PLAAT1: variants seen among roughly 807,000 people sequenced by gnomAD.
PLAAT1 encodes H-REV107 protein-related protein.
A neutral mutation model predicts 16.4 loss-of-function variants in PLAAT1; 13 were observed. The ratio of observed to expected loss-of-function variants is 0.79; its 90% confidence interval spans 0.52 to 1.26. The LOEUF (loss-of-function observed/expected upper bound fraction) is 1.26, where lower values mean the gene tolerates loss of function less well. Among genes scored for constraint, PLAAT1 ranks in the 50% most tolerant of loss-of-function variants. The pLI, the probability that PLAAT1 is intolerant of heterozygous loss-of-function variation, is 0.00. For missense variants in PLAAT1, 218 were observed against 207.8 expected (o/e 1.05, Z -0.30); for synonymous variants, 73 against 78.4 (o/e 0.93, Z 0.36).
intron 2 of PLAAT1, among the ~76,000 whole-genome samples, chr3:193,258,995 A>C (rs1179842688): frequency 6.6e-6 from 1 of 152,168 alleles, no homozygotes; most frequent in Non-Finnish European, 1.5e-5. Context: ...TAGATGCAAA[A>C]ATCCTCAACA....
At chr3:193,271,076 A>T (rs909191032), downstream of PLAAT1, among the ~76,000 whole-genome samples, 1 of 152,232 alleles carries the variant, frequency 6.6e-6, no homozygotes, top group African/African-American at 2.4e-5. Flanking sequence ...AAATTTTAAG[A>T]ACCCCAGATT....
chr3:193,263,067 A>AT lies in PLAAT1; in HGVS notation c.238dup (p.Tyr80LeufsTer6), dbSNP rs1716646116. On this transcript the variant is annotated frameshift_variant, in exon 3 of 4. Coordinates refer to ENST00000264735, the MANE Select transcript of PLAAT1 (RefSeq NM_020386.5). LOFTEE classifies it high-confidence loss of function. Reference sequence around the variant, plus strand: ...TGAAGGATGTTGTGGGAAATGACACATACAGAATAAACAATAAATACGATG... The same window carrying AT: ...TGAAGGATGTTGTGGGAAATGACACATTACAGAATAAACAATAAATACGATG... 3 of 1,614,178 alleles carry AT rather than the reference A, an allele frequency of 1.9e-6. No homozygotes were observed. The African/African-American group carries it at 4.0e-5, about 22-fold the overall frequency.
intron 1 of PLAAT1, among the ~76,000 whole-genome samples, chr3:193,255,038 C>T (rs1249310940): frequency 6.6e-6 from 1 of 152,078 alleles, no homozygotes; most frequent in Admixed American, 6.5e-5. Flanking sequence ...TTAGTACTCA[C>T]AAAATATTAA....
chr3:193,256,494 A>G (rs943743042), intron 2 of PLAAT1, among the ~76,000 whole-genome samples: 11 of 152,214 alleles, frequency 7.2e-5, no homozygotes, highest in Non-Finnish European at 1.3e-4. Context: ...ATGGATAAAG[A>G]ATTAGGAACA....
intron 3 of PLAAT1, among the ~76,000 whole-genome samples, chr3:193,263,795 A>G (rs559488733): frequency 1.3e-5 from 2 of 152,220 alleles, no homozygotes; most frequent in Admixed American, 1.3e-4. Context: ...AGATTAATTG[A>G]CTTTATTTTT....
At chr3:193,244,463 A>AT (rs1715903101) in intron 1 of PLAAT1, among the ~76,000 whole-genome samples, 2 of 145,380 alleles carry the variant, frequency 1.4e-5, no homozygotes, top group African/African-American at 2.6e-5. Flanking sequence ...ATGATATCTC[A>AT]TTTTGTTTTT....
intron 2 of PLAAT1, among the ~76,000 whole-genome samples, chr3:193,276,292 A>G (rs2108810922): frequency 6.6e-6 from 1 of 152,344 alleles, no homozygotes; most frequent in African/African-American, 2.4e-5. Flanking sequence ...CACTGAGTAG[A>G]AAAGAAACAC....
At chr3:193,255,419 C>T (rs1716338742) in intron 1 of PLAAT1, among the ~76,000 whole-genome samples, 1 of 152,096 alleles carries the variant, frequency 6.6e-6, no homozygotes, top group Admixed American at 6.6e-5. Context: ...GGATGAGAAG[C>T]ATTACTATAG....
chr3:193,254,511 A>G (rs891717082), intron 1 of PLAAT1, among the ~76,000 whole-genome samples: 4 of 152,190 alleles, frequency 2.6e-5, no homozygotes, highest in African/African-American at 9.7e-5. Context: ...TGATAGATGT[A>G]CATAATCTCC....
At chr3:193,250,640 T>A (rs1389495713) in intron 1 of PLAAT1, among the ~76,000 whole-genome samples, 1 of 152,146 alleles carries the variant, frequency 6.6e-6, no homozygotes, top group Non-Finnish European at 1.5e-5. Context: ...CAGATCTGGA[T>A]TTCTTGCTGG....
Position 193,241,297 on chromosome 3 carries a change from C to G in PLAAT1, c.-237C>G. On this transcript the variant is annotated 5_prime_UTR_variant, in exon 1 of 4. Transcript: ENST00000264735. ...TCGGCCCCCCGGCGTGCGGGCGTCTCAGAGCCGCGGAGGGGCCGCCGGGAC... is the reference window on the plus strand; with the variant it reads ...TCGGCCCCCCGGCGTGCGGGCGTCTGAGAGCCGCGGAGGGGCCGCCGGGAC... The G allele has an allele frequency of 8.1e-7, 1 of 1,230,914 alleles. No individual in the cohort carries two copies. Among genetic ancestry groups the G allele is most frequent in the Non-Finnish European group, 1.0e-6 (1 of 987,446 alleles). 76.2% of individuals were successfully genotyped at this position (1,230,914 alleles called of 1,614,324 possible). A position where few individuals can be genotyped will look rare whatever the true frequency, so the allele number is the denominator to read the frequency against.
chr3:193,274,695 C>A (rs951481337), downstream of PLAAT1: 10 of 228,048 alleles, frequency 4.4e-5, no homozygotes, highest in African/African-American at 2.0e-4. Context: ...CTTTCAAAGA[C>A]CAAATGTTGC....
intron 2 of PLAAT1, among the ~76,000 whole-genome samples, chr3:193,259,796 C>T (rs1416860589): frequency 6.6e-6 from 1 of 152,074 alleles, no homozygotes; most frequent in Non-Finnish European, 1.5e-5. Context: ...GTTCATATTG[C>T]CCAAAGCAAT....
Position 193,255,520 on chromosome 3 carries a change from G to A in PLAAT1, c.1-131G>A, listed in dbSNP as rs534549828. ...ATCATTCAAAGAAAAGGACAGGGTCGTGATTCTAAGTCTTTAATATAGAAT... is the reference window on the plus strand; with the variant it reads ...ATCATTCAAAGAAAAGGACAGGGTCATGATTCTAAGTCTTTAATATAGAAT... On this transcript the variant is annotated intron_variant, in intron 1 of 3. Transcript: ENST00000264735. The A allele has an allele frequency of 1.7e-5, 14 of 823,038 alleles. No homozygotes were observed. The African/African-American group carries it at 2.0e-4, about 11-fold the overall frequency. The allele number at this position is 823,038 out of a possible 1,614,324, so 51.0% of individuals were successfully genotyped here.
chr3:193,271,335 G>A (rs1221989384), downstream of PLAAT1, among the ~76,000 whole-genome samples: 1 of 152,126 alleles, frequency 6.6e-6, no homozygotes, highest in Non-Finnish European at 1.5e-5. Flanking sequence ...AAGTAAGAGT[G>A]GGCTGTTATT....
At chr3:193,257,036 A>T (rs1449313787) in intron 2 of PLAAT1, among the ~76,000 whole-genome samples, 2 of 152,162 alleles carry the variant, frequency 1.3e-5, no homozygotes, top group Non-Finnish European at 2.9e-5. Flanking sequence ...ACTCTCTGTC[A>T]CACATCTGCA....
At chr3:193,253,532 C>T (rs942875775) in intron 1 of PLAAT1, among the ~76,000 whole-genome samples, 4 of 152,084 alleles carry the variant, frequency 2.6e-5, no homozygotes, top group African/African-American at 7.2e-5. Flanking sequence ...GGGTTACTTG[C>T]GACAGCTTTT....
In PLAAT1 at chr3:193,250,480, C is replaced by G. The variant is rs1422828286; in HGVS notation, c.1-5171C>G. On this transcript the variant is annotated intron_variant, in intron 1 of 3. Coordinates refer to ENST00000264735, the MANE Select transcript of PLAAT1 (RefSeq NM_020386.5). ...TGGAGAGATTGCTGCTGAACATTTT[C>G]AAGTTAAAAAGCCACGTTTTTGTTC... Among the ~76,000 whole-genome samples, 4 of 152,240 alleles carry G rather than the reference C, an allele frequency of 2.6e-5. No individual in the cohort carries two copies. In the East Asian group the frequency reaches 7.7e-4, roughly 29 times the overall value.
At chr3:193,270,901 T>G (rs1716965363), downstream of PLAAT1, 9 of 1,210,250 alleles carry the variant, frequency 7.4e-6, no homozygotes, top group South Asian at 6.1e-5. Flanking sequence ...ATAGATGTAC[T>G]GTGGCAGCTT....
Sources: gnomAD v4.1 joint callset for allele counts (sites outside exome capture counted in the v4.1 genomes callset) on GRCh38, gnomAD v4.1.1 for gene constraint, MANE v1.5 for transcripts, NCBI Gene and HGNC (gene_info 2026-07-23, HGNC 2026-07-21) for gene names.